The following WDR49 variants were observed in gnomAD, a reference collection of about 807,000 sequenced individuals.
WDR49 encodes cilia- and flagella-associated protein 337.
A neutral mutation model predicts 119.5 loss-of-function variants in WDR49; 107 were observed. The observed-to-expected ratio is 0.90, with a 90% CI of 0.77 to 1.05. WDR49 has a LOEUF of 1.05. Ranked by LOEUF, WDR49 falls within the 50% of genes least tolerant of loss-of-function variation. WDR49 has a pLI of 0.00. For missense variants in WDR49, 1,240 were observed against 1,220.5 expected, an observed-to-expected ratio of 1.02 and a Z score of -0.24; for synonymous variants, 425 against 418.8, an observed-to-expected ratio of 1.01 and a Z score of -0.18.
intron 12 of WDR49, among the ~76,000 whole-genome samples, chr3:167,532,394 A>G (rs975261553): frequency 2.0e-5 from 3 of 152,188 alleles, no homozygotes; most frequent in Admixed American, 6.6e-5. Flanking sequence ...AAACTCCCAT[A>G]AAATACAATA....
intron 5 of WDR49, among the ~76,000 whole-genome samples, chr3:167,606,733 G>T (rs925695553): frequency 9.8e-5 from 15 of 152,286 alleles, no homozygotes; most frequent in African/African-American, 3.6e-4. Context: ...AAAATGGTCT[G>T]TTTCTCCACT....
At chr3:167,542,258 G>A (rs543164021) in intron 10 of WDR49, among the ~76,000 whole-genome samples, 53 of 152,102 alleles carry the variant, frequency 3.5e-4, no homozygotes, top group African/African-American at 9.9e-4. Flanking sequence ...AGAAACAATC[G>A]AATTAAACTA....
chr3:167,578,664 T>A (rs567725791), intron 7 of WDR49, among the ~76,000 whole-genome samples: 7 of 152,146 alleles, frequency 4.6e-5, no homozygotes, highest in Admixed American at 1.3e-4. Flanking sequence ...CACCTAAAAA[T>A]CTTTAAAGAT....
At chr3:167,600,533 T>C (rs536216181) in intron 7 of WDR49, among the ~76,000 whole-genome samples, 13 of 152,236 alleles carry the variant, frequency 8.5e-5, no homozygotes, top group African/African-American at 3.1e-4. Flanking sequence ...AAATTTGGTG[T>C]TCCTATTGGG....
At chr3:167,541,798 T>C (rs1047189220) in intron 10 of WDR49, among the ~76,000 whole-genome samples, 2 of 152,126 alleles carry the variant, frequency 1.3e-5, no homozygotes, top group Non-Finnish European at 2.9e-5. Flanking sequence ...ATCTGCTATC[T>C]GCAAGAGACT....
chr3:167,518,868 C>A (rs1752319118), intron 16 of WDR49, among the ~76,000 whole-genome samples: 1 of 150,624 alleles, frequency 6.6e-6, no homozygotes, highest in African/African-American at 2.4e-5. Flanking sequence ...ATTTTTGCAA[C>A]TTATCCATCA....
intron 17 of WDR49, among the ~76,000 whole-genome samples, chr3:167,503,862 A>G (rs1489841813): frequency 2.0e-5 from 3 of 152,342 alleles, no homozygotes; most frequent in East Asian, 1.9e-4. Flanking sequence ...TGCCGGCTCG[A>G]ATGCCTGGGT....
chr3:167,631,967 T>C (rs1717398364), intron 2 of WDR49, among the ~76,000 whole-genome samples: 1 of 152,116 alleles, frequency 6.6e-6, no homozygotes, highest in Admixed American at 6.6e-5. Flanking sequence ...TTCTTATCTT[T>C]GTTCAGTTAT....
At chr3:167,603,441 C>T (rs778685154) in intron 6 of WDR49, among the ~76,000 whole-genome samples, 9 of 152,234 alleles carry the variant, frequency 5.9e-5, no homozygotes, top group African/African-American at 1.9e-4. Context: ...GGCATATTCA[C>T]GAATTCATAT....
At chr3:167,642,987 G>T (rs767646267) in intron 2 of WDR49, among the ~76,000 whole-genome samples, 1 of 151,930 alleles carries the variant, frequency 6.6e-6, no homozygotes, top group Non-Finnish European at 1.5e-5. Flanking sequence ...AAGAGGGGCC[G>T]AAGACTCTCT....
chr3:167,528,856 T>C (rs1752737674), intron 14 of WDR49, among the ~76,000 whole-genome samples, 196 bp downstream of exon 14: 1 of 152,180 alleles, frequency 6.6e-6, no homozygotes, highest in South Asian at 2.1e-4. Flanking sequence ...GTTGTCAATA[T>C]TGAGAAAAAC....
chr3:167,604,406 C>T lies in WDR49; in HGVS notation c.1021G>A (p.Val341Met). The T allele has an allele frequency of 6.2e-7, 1 of 1,613,624 alleles. No individual in the cohort carries two copies. The highest frequency in any genetic ancestry group is 8.5e-7 in the Non-Finnish European group (1 of 1,179,844). ...TTTGATTTCTCTCTCCAAGCCATCA[C>T]CACACTATTTGTATTGCTGGTTGTA... is the stretch of plus-strand genomic sequence containing the variant. ...SSTTSNTNSVVMAWREKSKKR... is the reference protein window; with the variant it reads ...SSTTSNTNSVMMAWREKSKKR... Residue 341 changes from valine (V) to methionine (M), a missense_variant, in exon 6 of 19, where the codon GTG becomes ATG. Coordinates refer to ENST00000682715, the MANE Select transcript of WDR49 (RefSeq NM_001366157.1).
At chr3:167,556,881 C>T (rs530530560) in intron 9 of WDR49, among the ~76,000 whole-genome samples, 5 of 152,194 alleles carry the variant, frequency 3.3e-5, no homozygotes, top group African/African-American at 1.2e-4. Flanking sequence ...AAAAATTAGC[C>T]AGGCATGGTG....
In WDR49 at chr3:167,478,870, T is replaced by A; in HGVS notation, c.*8A>T. ...CCTTATGTAACAGTGAAGGTTTTTC[T>A]GTTGTAATTACTTCTTATTTTTCTT... On this transcript the variant is annotated 3_prime_UTR_variant, in exon 19 of 19. Transcript: ENST00000682715. 4 of 1,573,920 alleles carry A rather than the reference T, an allele frequency of 2.5e-6. No individual in the cohort carries two copies. Among genetic ancestry groups the A allele is most frequent in the Non-Finnish European group, 3.5e-6 (4 of 1,154,830 alleles).
chr3:167,633,515 G>A (rs1422396043), intron 2 of WDR49: 1 of 455,500 alleles, frequency 2.2e-6, no homozygotes. Flanking sequence ...GCTGCTCTGT[G>A]AGCCAAATAT....
chr3:167,636,105 C>A (rs1049260523), intron 2 of WDR49, among the ~76,000 whole-genome samples: 5 of 151,588 alleles, frequency 3.3e-5, no homozygotes, highest in Non-Finnish European at 4.4e-5. Context: ...GTCTTTCATT[C>A]CTCAACCCCT....
Position 167,620,452 on chromosome 3 carries a change from T to A in WDR49, c.935A>T (p.His312Leu). Residue 312 changes from histidine to leucine, a missense_variant, in exon 5 of 19, where the codon CAT becomes CTT. By Grantham distance (99) the His-to-Leu change is moderately conservative (BLOSUM62 -3). Transcript: ENST00000682715. ...KCCHILEHKLHQGDWVRQVTY... is the reference protein window; with the variant it reads ...KCCHILEHKLLQGDWVRQVTY... ...ACCTTGCCTGACCCAATCTCCTTGA[T>A]GAAGTTTATGCTCTAATATATGGCA... 2 of 1,535,638 alleles carry A rather than the reference T, an allele frequency of 1.3e-6. No homozygotes were observed. The highest frequency in any genetic ancestry group is 2.4e-5 in the East Asian group (1 of 40,884).
intron 7 of WDR49, among the ~76,000 whole-genome samples, chr3:167,587,763 C>A (rs536404941): frequency 2.0e-5 from 3 of 152,062 alleles, no homozygotes; most frequent in Non-Finnish European, 4.4e-5. Context: ...GTATTACAAG[C>A]GTGAGGCACC....
chr3:167,499,233 A>G (rs1751470557), intron 18 of WDR49, among the ~76,000 whole-genome samples: 1 of 152,196 alleles, frequency 6.6e-6, no homozygotes, highest in African/African-American at 2.4e-5. Context: ...TCCATAAGAG[A>G]CAAAGCAAAG....
Sources: gnomAD v4.1 joint callset for allele counts (sites outside exome capture counted in the v4.1 genomes callset) on GRCh38, gnomAD v4.1.1 for gene constraint, MANE v1.5 for transcripts, NCBI Gene and HGNC (gene_info 2026-07-23, HGNC 2026-07-21) for gene names.